NT5DC3: variants seen among roughly 807,000 people sequenced by gnomAD.
The protein encoded by NT5DC3 is 5'-nucleotidase domain containing 3.
Under a neutral mutation model 67.8 loss-of-function variants are expected in NT5DC3, and 42 were observed. The observed-to-expected ratio is 0.62, with a 90% CI of 0.48 to 0.80. The LOEUF is 0.80. Among genes scored for constraint, NT5DC3 ranks in the 30% least tolerant of loss-of-function variants. The pLI, the probability that NT5DC3 is intolerant of heterozygous loss-of-function variation, is 0.00. For missense variants in NT5DC3, 570 were observed against 696.4 expected (o/e 0.82, Z 2.04); for synonymous variants, 237 against 255.6 (o/e 0.93, Z 0.69).
chr12:103,788,432 C>A (rs548331704), intron 10 of NT5DC3, among the ~76,000 whole-genome samples: 7 of 152,182 alleles, frequency 4.6e-5, no homozygotes, highest in Non-Finnish European at 8.8e-5. Context: ...GACAACAGGG[C>A]AAGACCTTGT....
At chr12:103,749,056 G>C in the NT5DC3 span, 1 of 1,614,126 alleles carries the variant, frequency 6.2e-7, no homozygotes, top group Non-Finnish European at 8.5e-7. Flanking sequence ...TGCCAGAAGG[G>C]ATACAAAGGG....
the NT5DC3 span, chr12:103,758,035 A>T: frequency 7.6e-7 from 1 of 1,318,666 alleles, no homozygotes; most frequent in Non-Finnish European, 1.0e-6. Context: ...CAGAAGACAC[A>T]GCAAAGGAGC....
the NT5DC3 span, chr12:103,763,445 C>A: frequency 6.3e-7 from 1 of 1,579,886 alleles, no homozygotes; most frequent in South Asian, 1.1e-5. Flanking sequence ...CTGAGACGCT[C>A]CTGCTTTGGG....
intron 1 of NT5DC3, chr12:103,821,945 G>A (rs1376862237): frequency 6.6e-6 from 1 of 152,134 alleles, no homozygotes; most frequent in Non-Finnish European, 1.5e-5. Context: ...GGAATATTCT[G>A]TCTCTGTCTA....
At chr12:103,790,315 G>A (rs1400799547) in intron 9 of NT5DC3, among the ~76,000 whole-genome samples, 3 of 151,890 alleles carry the variant, frequency 2.0e-5, no homozygotes, top group East Asian at 1.9e-4. Flanking sequence ...CCACTCTGTC[G>A]CCCAGGCTGG....
chr12:103,757,238 A>G, the NT5DC3 span, among the ~76,000 whole-genome samples: 5 of 151,306 alleles, frequency 3.3e-5, no homozygotes, highest in African/African-American at 1.2e-4. Flanking sequence ...ACAGGCACAC[A>G]CCACCACACT....
At chr12:103,801,067 G>C (rs570537142) in intron 4 of NT5DC3, among the ~76,000 whole-genome samples, 2 of 152,056 alleles carry the variant, frequency 1.3e-5, no homozygotes. Flanking sequence ...GTACAAAAAT[G>C]AGGCTGCAGT....
intron 2 of NT5DC3, among the ~76,000 whole-genome samples, chr12:103,811,427 C>A (rs1437233543): frequency 6.6e-6 from 1 of 152,062 alleles, no homozygotes; most frequent in Non-Finnish European, 1.5e-5. Flanking sequence ...GAGGCCCTCA[C>A]TATGATGGGA....
chr12:103,836,431 G>T (rs539347452), intron 1 of NT5DC3, among the ~76,000 whole-genome samples: 1 of 152,120 alleles, frequency 6.6e-6, no homozygotes, highest in Non-Finnish European at 1.5e-5. Context: ...CCAAAACAAA[G>T]GGGTTACAGG....
the NT5DC3 span, chr12:103,762,365 G>A: frequency 1.6e-5 from 26 of 1,614,022 alleles, no homozygotes; most frequent in East Asian, 2.9e-4. Context: ...TCCTACTTTC[G>A]GATAAACCGG....
At chr12:103,829,010 T>C (rs1010064612) in intron 1 of NT5DC3, among the ~76,000 whole-genome samples, 2 of 152,218 alleles carry the variant, frequency 1.3e-5, no homozygotes, top group African/African-American at 4.8e-5. Flanking sequence ...CTCCTGCATT[T>C]CTCTAGACTT....
At chr12:103,810,940 A>T (rs1887001894) in intron 2 of NT5DC3, among the ~76,000 whole-genome samples, 2 of 152,220 alleles carry the variant, frequency 1.3e-5, no homozygotes, top group African/African-American at 2.4e-5. Context: ...ATCTAATTAG[A>T]GGCAACGCAG....
chr12:103,757,268 T>A, the NT5DC3 span, among the ~76,000 whole-genome samples: 1 of 151,786 alleles, frequency 6.6e-6, no homozygotes, highest in Non-Finnish European at 1.5e-5. Flanking sequence ...TTTAACTTTT[T>A]GTAGAGATGG....
At chr12:103,785,926 T>C (rs977402661) in intron 11 of NT5DC3, among the ~76,000 whole-genome samples, 1 of 152,024 alleles carries the variant, frequency 6.6e-6, no homozygotes, top group Non-Finnish European at 1.5e-5. Context: ...AACATAAGCA[T>C]GCATGATCAC....
At chr12:103,797,132 C>T (rs1886354167) in intron 5 of NT5DC3, 101 bp from the exon 6 acceptor site, 1 of 1,242,430 alleles carries the variant, frequency 8.0e-7, no homozygotes, top group South Asian at 1.3e-5. Context: ...CGTGACTAAA[C>T]GAGATCCCAT....
chr12:103,782,331 G>A (rs761677247), intron 12 of NT5DC3, among the ~76,000 whole-genome samples: 46 of 152,208 alleles, frequency 3.0e-4, no homozygotes, highest in Non-Finnish European at 6.0e-4. Context: ...TCATGCCACT[G>A]CACTCCAGCC....
rs184642737 is a variant in NT5DC3 at position 103,840,889 on chromosome 12, T to G, written c.208+60A>C. 2.8e-4 allele frequency: 305 copies of G among 1,096,306 alleles called. 2 individuals carry two copies. The African/African-American group carries it at 4.8e-3, about 17-fold the overall frequency. The allele number at this position is 1,096,306 out of a possible 1,614,324, so 67.9% of individuals were successfully genotyped here. On this transcript the variant is annotated intron_variant, in intron 1 of 13. Transcript: ENST00000392876. Reference sequence around the variant, plus strand: ...TGGTCCGGGTCCTAGGGCGCCCGCTTCCCAGCTGAGCGCGCAGGAGGGGCC... The same window carrying G: ...TGGTCCGGGTCCTAGGGCGCCCGCTGCCCAGCTGAGCGCGCAGGAGGGGCC...
At chr12:103,778,112 G>C in intron 13 of NT5DC3, 31 bp from the exon 14 acceptor site, 1 of 1,551,138 alleles carries the variant, frequency 6.4e-7, no homozygotes, top group Non-Finnish European at 8.7e-7. Flanking sequence ...CAAAGCAACA[G>C]AGAATGATTC....
At chr12:103,830,512 T>C (rs977429198) in intron 1 of NT5DC3, among the ~76,000 whole-genome samples, 3 of 152,244 alleles carry the variant, frequency 2.0e-5, no homozygotes, top group Non-Finnish European at 4.4e-5. Context: ...ATTAGACATA[T>C]GTTTGACCTC....
Sources: gnomAD v4.1 joint callset for allele counts (sites outside exome capture counted in the v4.1 genomes callset) on GRCh38, gnomAD v4.1.1 for gene constraint, MANE v1.5 for transcripts, NCBI Gene and HGNC (gene_info 2026-07-23, HGNC 2026-07-21) for gene names.